KHDRBS2: variants seen among roughly 807,000 people sequenced by gnomAD.
The protein encoded by KHDRBS2 is KH RNA binding domain containing, signal transduction associated 2.
KHDRBS2 carries 26 observed loss-of-function variants against 44.3 expected under a neutral mutation model. That is an observed-to-expected ratio of 0.59 (90% CI 0.43 to 0.81). The LOEUF (loss-of-function observed/expected upper bound fraction) is 0.81. Among genes scored for constraint, KHDRBS2 ranks in the 40% least tolerant of loss-of-function variants. The pLI, the probability that KHDRBS2 is intolerant of heterozygous loss-of-function variation, is 0.00. For missense variants in KHDRBS2, 476 were observed against 433.1 expected (o/e 1.10, Z -0.88); for synonymous variants, 194 against 151.1 (o/e 1.28, Z -2.08).
At chr6:61,815,512 C>T (rs1418773483) in intron 6 of KHDRBS2, among the ~76,000 whole-genome samples, 1 of 152,072 alleles carries the variant, frequency 6.6e-6, no homozygotes, top group Admixed American at 6.6e-5. Flanking sequence ...TCTTGCCAAA[C>T]TATTCACATA....
At chr6:62,139,978 A>G (rs897312919) in intron 2 of KHDRBS2, among the ~76,000 whole-genome samples, 2 of 145,858 alleles carry the variant, frequency 1.4e-5, no homozygotes, top group Admixed American at 6.9e-5. Context: ...CATTTTATTT[A>G]CTTTCAAATA....
At chr6:61,688,408 C>T (rs1304330650) in intron 8 of KHDRBS2, among the ~76,000 whole-genome samples, 2 of 151,756 alleles carry the variant, frequency 1.3e-5, no homozygotes, top group African/African-American at 4.8e-5. Flanking sequence ...CAGCTAGAGG[C>T]TTTTTGAAAT....
At chr6:61,683,031 T>G (rs754853253) in intron 8 of KHDRBS2, among the ~76,000 whole-genome samples, 127 of 151,988 alleles carry the variant, frequency 8.4e-4, no homozygotes, top group Non-Finnish European at 1.2e-3. Context: ...AATGTACTAC[T>G]TTTTGCTCCA....
chr6:61,566,562 T>A, the KHDRBS2 span, among the ~76,000 whole-genome samples: 8 of 152,278 alleles, frequency 5.3e-5, no homozygotes, highest in African/African-American at 1.9e-4. Flanking sequence ...AATGAATACC[T>A]TCCCAAGGTT....
the KHDRBS2 span, among the ~76,000 whole-genome samples, chr6:61,664,752 G>A: frequency 4.6e-5 from 7 of 151,776 alleles, no homozygotes; most frequent in Admixed American, 2.0e-4. Flanking sequence ...TGATTACAAA[G>A]CAATGAGTTT....
At chr6:62,130,116 T>A (rs559546504) in intron 2 of KHDRBS2, among the ~76,000 whole-genome samples, 1 of 152,352 alleles carries the variant, frequency 6.6e-6, no homozygotes, top group South Asian at 2.1e-4. Flanking sequence ...CTATGAAAAC[T>A]AATTTATAAA....
chr6:62,277,287 T>G (rs1180333655), intron 1 of KHDRBS2, among the ~76,000 whole-genome samples: 1 of 152,098 alleles, frequency 6.6e-6, no homozygotes, highest in African/African-American at 2.4e-5. Context: ...TGATACTTCA[T>G]TTATTAATAG....
chr6:61,879,828 T>C (rs1445640050), intron 6 of KHDRBS2, among the ~76,000 whole-genome samples: 1 of 151,822 alleles, frequency 6.6e-6, no homozygotes, highest in Non-Finnish European at 1.5e-5. Flanking sequence ...CTTTATCTTC[T>C]CATAATATTT....
At chr6:61,617,583 T>A in the KHDRBS2 span, among the ~76,000 whole-genome samples, 2 of 152,100 alleles carry the variant, frequency 1.3e-5, no homozygotes, top group East Asian at 3.8e-4. Flanking sequence ...AAATACAAAT[T>A]AAGAAGAATG....
At chr6:62,152,680 T>C (rs1815474017) in intron 2 of KHDRBS2, among the ~76,000 whole-genome samples, 1 of 152,192 alleles carries the variant, frequency 6.6e-6, no homozygotes, top group African/African-American at 2.4e-5. Context: ...TATTCAAATC[T>C]TGACCTGACT....
intron 6 of KHDRBS2, among the ~76,000 whole-genome samples, chr6:61,786,452 G>A (rs1334655977): frequency 6.6e-6 from 1 of 151,788 alleles, no homozygotes; most frequent in African/African-American, 2.4e-5. Flanking sequence ...AAATACTTTT[G>A]AAAATTAAAA....
intron 5 of KHDRBS2, among the ~76,000 whole-genome samples, chr6:61,898,336 G>A (rs934898690): frequency 4.0e-5 from 6 of 151,440 alleles, no homozygotes; most frequent in Admixed American, 6.6e-5. Context: ...ATATAGTATC[G>A]AGCACTTACT....
At chr6:61,606,491 T>A in the KHDRBS2 span, among the ~76,000 whole-genome samples, 21,013 of 152,138 alleles carry the variant, frequency 0.14, 2,018 homozygotes, top group South Asian at 0.27. Flanking sequence ...AAAAAATTTT[T>A]AAATGTGCAG....
chr6:61,551,483 GT>G, the KHDRBS2 span, among the ~76,000 whole-genome samples: 1 of 151,824 alleles, frequency 6.6e-6, no homozygotes, highest in African/African-American at 2.4e-5. Context: ...ATCTTCCATG[GT>G]TTTTTAGTTT....
At chr6:61,830,105 A>T (rs1009272312) in intron 6 of KHDRBS2, among the ~76,000 whole-genome samples, 5 of 152,200 alleles carry the variant, frequency 3.3e-5, no homozygotes, top group African/African-American at 1.2e-4. Flanking sequence ...GAAAAGAAAT[A>T]TAAAATATAA....
intron 2 of KHDRBS2, among the ~76,000 whole-genome samples, chr6:62,096,349 G>A (rs1266903912): frequency 6.6e-6 from 1 of 151,726 alleles, no homozygotes; most frequent in East Asian, 1.9e-4. Context: ...GAAGCCTTCT[G>A]GTCCTAGATT....
chr6:62,093,075 C>T (rs1314655101), intron 2 of KHDRBS2, among the ~76,000 whole-genome samples: 2 of 151,636 alleles, frequency 1.3e-5, no homozygotes, highest in Admixed American at 1.3e-4. Flanking sequence ...ATGTCTTATT[C>T]AACTATAATC....
At chr6:61,676,151 A>G (rs1765924835), downstream of KHDRBS2, among the ~76,000 whole-genome samples, 1 of 151,736 alleles carries the variant, frequency 6.6e-6, no homozygotes, top group Non-Finnish European at 1.5e-5. Flanking sequence ...CTACTTGCTG[A>G]TGGTTTTTGT....
intron 6 of KHDRBS2, among the ~76,000 whole-genome samples, chr6:61,823,560 T>C (rs1790350576): frequency 6.6e-6 from 1 of 152,128 alleles, no homozygotes; most frequent in Non-Finnish European, 1.5e-5. Context: ...TAGTATGCGA[T>C]ATTTCTCTCA....
Sources: allele counts gnomAD v4.1 joint callset (sites outside exome capture counted in the v4.1 genomes callset), GRCh38; gene constraint gnomAD v4.1.1; transcripts MANE v1.5; gene names NCBI Gene and HGNC (gene_info 2026-07-23, HGNC 2026-07-21).